The following SHISA9 variants were observed in gnomAD, a reference collection of about 807,000 sequenced individuals.
SHISA9 encodes the protein shisa family member 9, also known as protein shisa-9.
Under a neutral mutation model 38.0 loss-of-function variants are expected in SHISA9, and 13 were observed. That is an observed-to-expected ratio of 0.34 (90% CI 0.22 to 0.54). The LOEUF is 0.54. Ranked by LOEUF, SHISA9 falls within the 20% of genes least tolerant of loss-of-function variation. The probability of loss-of-function intolerance (pLI) is 0.91; values close to 1 mark genes in which losing one functional copy is unlikely to be tolerated. For missense variants in SHISA9, 538 were observed against 575.8 expected (o/e 0.93, Z 0.67); for synonymous variants, 275 against 242.0 (o/e 1.14, Z -1.27).
chr16:13,117,271 CG>C (rs1183760251), intron 2 of SHISA9, among the ~76,000 whole-genome samples: 1 of 152,016 alleles, frequency 6.6e-6, no homozygotes, highest in Non-Finnish European at 1.5e-5. Context: ...CACTGTGCCT[CG>C]CCTATTTTAT....
intron 2 of SHISA9, among the ~76,000 whole-genome samples, chr16:13,082,882 G>T (rs2073668892): frequency 6.6e-6 from 1 of 152,216 alleles, no homozygotes; most frequent in African/African-American, 2.4e-5. Context: ...GGTGCAAATT[G>T]TAGAGAAAAC....
intron 4 of SHISA9, among the ~76,000 whole-genome samples, chr16:13,227,826 T>A (rs2051294086): frequency 6.6e-6 from 1 of 152,018 alleles, no homozygotes; most frequent in African/African-American, 2.4e-5. Flanking sequence ...TCAACAAACA[T>A]GGTGGGTGGA....
chr16:12,940,851 A>T (rs553379589), intron 2 of SHISA9, among the ~76,000 whole-genome samples: 1 of 152,240 alleles, frequency 6.6e-6, no homozygotes, highest in Non-Finnish European at 1.5e-5. Flanking sequence ...TACTTAGATC[A>T]CTGTGTAGAT....
the SHISA9 span, among the ~76,000 whole-genome samples, chr16:13,520,598 T>C: frequency 1.9e-5 from 2 of 105,234 alleles, no homozygotes; most frequent in Non-Finnish European, 1.8e-5. Context: ...AGTGAAACTC[T>C]GTCTCAAAAA....
chr16:13,547,181 C>A, the SHISA9 span, among the ~76,000 whole-genome samples: 1 of 152,012 alleles, frequency 6.6e-6, no homozygotes, highest in Admixed American at 6.6e-5. Flanking sequence ...ACTATGTGCT[C>A]AGTAATTGGT....
chr16:13,542,320 T>C, the SHISA9 span, among the ~76,000 whole-genome samples: 1 of 152,170 alleles, frequency 6.6e-6, no homozygotes, highest in East Asian at 1.9e-4. Context: ...CATGAGATGA[T>C]TGCCTAGGTG....
chr16:13,039,325 A>G (rs943411870), intron 2 of SHISA9, among the ~76,000 whole-genome samples: 1 of 152,150 alleles, frequency 6.6e-6, no homozygotes, highest in African/African-American at 2.4e-5. Flanking sequence ...GGGATATTAC[A>G]CCAGCTTTCA....
intron 4 of SHISA9, among the ~76,000 whole-genome samples, chr16:13,230,252 C>T (rs953904156): frequency 6.6e-6 from 1 of 152,068 alleles, no homozygotes; most frequent in Non-Finnish European, 1.5e-5. Flanking sequence ...ATGGTGGGTA[C>T]CTGTTTGATG....
chr16:13,120,324 G>C (rs1337538633), intron 2 of SHISA9, among the ~76,000 whole-genome samples: 4 of 152,080 alleles, frequency 2.6e-5, no homozygotes, highest in Non-Finnish European at 5.9e-5. Context: ...TTATCTGCAA[G>C]GACCTGTTAC....
intron 2 of SHISA9, among the ~76,000 whole-genome samples, chr16:12,922,622 C>T (rs779119260): frequency 7.2e-5 from 11 of 152,304 alleles, no homozygotes; most frequent in South Asian, 4.1e-4. Flanking sequence ...CAGATTCAAG[C>T]GATTCTCCTG....
At chr16:13,323,459 A>G in the SHISA9 span, among the ~76,000 whole-genome samples, 1 of 152,286 alleles carries the variant, frequency 6.6e-6, no homozygotes, top group East Asian at 1.9e-4. Flanking sequence ...TTCAAATCTC[A>G]TATTTATATG....
intron 2 of SHISA9, among the ~76,000 whole-genome samples, chr16:12,939,265 G>A (rs1235996895): frequency 6.6e-6 from 1 of 152,092 alleles, no homozygotes; most frequent in African/African-American, 2.4e-5. Flanking sequence ...TGTGTTTTTA[G>A]TAGAGACGGG....
At chr16:12,994,012 G>A (rs1201013465) in intron 2 of SHISA9, among the ~76,000 whole-genome samples, 2 of 152,146 alleles carry the variant, frequency 1.3e-5, no homozygotes, top group Non-Finnish European at 2.9e-5. Context: ...ACCCTATGGA[G>A]GTTTATAGAC....
chr16:13,263,166 C>T, the SHISA9 span, among the ~76,000 whole-genome samples: 2 of 152,196 alleles, frequency 1.3e-5, no homozygotes, highest in Non-Finnish European at 2.9e-5. Context: ...GGACATTTCT[C>T]ATCTCTGTTT....
chr16:12,996,184 C>G (rs1474893067), intron 2 of SHISA9, among the ~76,000 whole-genome samples: 2 of 152,026 alleles, frequency 1.3e-5, no homozygotes, highest in Non-Finnish European at 2.9e-5. Context: ...ATCTGTCTGG[C>G]AGATATGTTT....
chr16:13,260,394 G>A, the SHISA9 span, among the ~76,000 whole-genome samples: 1 of 152,060 alleles, frequency 6.6e-6, no homozygotes, highest in Non-Finnish European at 1.5e-5. Flanking sequence ...AAAGCTGAAT[G>A]CCTTTAACAG....
At chr16:13,159,108 A>C (rs1334256052) in intron 2 of SHISA9, among the ~76,000 whole-genome samples, 1 of 151,990 alleles carries the variant, frequency 6.6e-6, no homozygotes, top group Non-Finnish European at 1.5e-5. Flanking sequence ...AAAACCCAGC[A>C]AAAACACAAC....
intron 2 of SHISA9, among the ~76,000 whole-genome samples, chr16:13,067,471 C>G (rs2073448254): frequency 6.6e-6 from 1 of 152,220 alleles, no homozygotes; most frequent in African/African-American, 2.4e-5. Context: ...GATTCTGTGT[C>G]TCCCCTGCTG....
chr16:12,987,343 C>G (rs1312822887), intron 2 of SHISA9, among the ~76,000 whole-genome samples: 1 of 152,048 alleles, frequency 6.6e-6, no homozygotes, highest in Non-Finnish European at 1.5e-5. Flanking sequence ...TGGAATCAAC[C>G]CAAATGCCCA....
Sources: allele counts gnomAD v4.1 joint callset (sites outside exome capture counted in the v4.1 genomes callset), GRCh38; gene constraint gnomAD v4.1.1; transcripts MANE v1.5; gene names NCBI Gene and HGNC (gene_info 2026-07-23, HGNC 2026-07-21).